Variants in PICALM observed in about 807,000 individuals in gnomAD.
PICALM encodes the protein phosphatidylinositol-binding clathrin assembly protein.
PICALM carries 40 observed loss-of-function variants against 80.5 expected under a neutral mutation model. That is an observed-to-expected ratio of 0.50 (90% CI 0.39 to 0.65). The LOEUF is 0.65. PICALM is among the 30% of genes least tolerant of loss of function. PICALM has a pLI of 0.00. For missense variants in PICALM, 676 were observed against 778.9 expected (o/e 0.87, Z 1.57); for synonymous variants, 288 against 260.3 (o/e 1.11, Z -1.02).
chr11:86,005,165 A>C (rs1457947346), intron 8 of PICALM, among the ~76,000 whole-genome samples: 3 of 152,220 alleles, frequency 2.0e-5, no homozygotes, highest in African/African-American at 7.2e-5. Flanking sequence ...GATACACAAC[A>C]GAAGCCAAGA....
intron 19 of PICALM, among the ~76,000 whole-genome samples, chr11:85,961,237 T>C (rs1346186277): frequency 1.3e-5 from 2 of 152,218 alleles, no homozygotes; most frequent in Non-Finnish European, 2.9e-5. Context: ...TATTCTTTCC[T>C]TTCTTTCTTC....
chr11:86,003,451 C>T lies in PICALM; in HGVS notation c.808G>A (p.Ala270Thr). 9 of 1,554,896 alleles carry T rather than the reference C, an allele frequency of 5.8e-6. No individual in the cohort carries two copies. Among genetic ancestry groups the T allele is most frequent in the Non-Finnish European group, 7.9e-6 (9 of 1,139,240 alleles). Residue 270 changes from alanine to threonine, a missense_variant and splice_region_variant, in exon 9 of 20, where the codon GCC becomes ACC. Transcript: ENST00000393346. ...DRGDIPDLSQ[A>T]PSSLLDALEQ... ...AAAGCATCAAGAAGACTGCTAGGGG[C>T]CTGCAATTGTACAAATATTAAGAAT...
intron 7 of PICALM, among the ~76,000 whole-genome samples, chr11:86,009,902 A>G (rs2095361587): frequency 1.3e-5 from 2 of 152,354 alleles, no homozygotes; most frequent in South Asian, 4.1e-4. Flanking sequence ...TTTTAAATTC[A>G]AAATTAATTT....
At chr11:85,982,443 C>T (rs1269455987) in intron 14 of PICALM, among the ~76,000 whole-genome samples, 4 of 7,274 alleles carry the variant, frequency 5.5e-4, no homozygotes, top group African/African-American at 1.6e-3. Flanking sequence ...TTTTTTGAGA[C>T]GGAGTCTTGC....
intron 16 of PICALM, 123 bp downstream of exon 16, chr11:85,981,622 A>AAT: frequency 1.4e-6 from 1 of 702,246 alleles, no homozygotes. Context: ...AAAAAAAAAA[A>AAT]GATGCAGACT....
intron 12 of PICALM, among the ~76,000 whole-genome samples, chr11:85,994,170 T>A (rs2509607): frequency 6.6e-6 from 1 of 152,222 alleles, no homozygotes; most frequent in Non-Finnish European, 1.5e-5. Flanking sequence ...CTGATAATAT[T>A]GTATATTTTT....
chr11:86,033,584 C>G (rs72963092), intron 1 of PICALM, among the ~76,000 whole-genome samples: 28,627 of 152,100 alleles, frequency 0.19, 3,006 homozygotes, highest in Middle Eastern at 0.24. Flanking sequence ...AATAACAAAG[C>G]CTTGGGCATT....
intron 5 of PICALM, among the ~76,000 whole-genome samples, chr11:86,013,800 G>T (rs2095437499): frequency 6.6e-6 from 1 of 152,152 alleles, no homozygotes; most frequent in Non-Finnish European, 1.5e-5. Context: ...TAAAGGGTCA[G>T]ATGGTAAATA....
chr11:86,025,621 T>C (rs1318812576), intron 3 of PICALM, among the ~76,000 whole-genome samples: 1 of 151,886 alleles, frequency 6.6e-6, no homozygotes, highest in East Asian at 2.0e-4. Context: ...TGCAGTGGCA[T>C]GATCTTGGCT....
chr11:85,974,298 A>G (rs1278916991), intron 19 of PICALM, among the ~76,000 whole-genome samples: 4 of 152,210 alleles, frequency 2.6e-5, no homozygotes, highest in African/African-American at 9.6e-5. Context: ...AGAGTTGCCA[A>G]GAGTTTCACA....
At chr11:86,069,348 G>C (rs1003397444), upstream of PICALM, 2 of 158,112 alleles carry the variant, frequency 1.3e-5, no homozygotes, top group Admixed American at 1.3e-4. Context: ...CCTGAGGCTC[G>C]GCCCGCGGGG....
At chr11:85,959,826 C>T (rs900565894) in intron 19 of PICALM, among the ~76,000 whole-genome samples, 9 of 151,840 alleles carry the variant, frequency 5.9e-5, no homozygotes, top group African/African-American at 2.2e-4. Context: ...GTGATCCTCC[C>T]GCATCAGCCT....
Position 85,961,243 on chromosome 11 carries a change from T to C in PICALM, c.1945-2183A>G, listed in dbSNP as rs368693173. On this transcript the variant is annotated intron_variant, in intron 19 of 19. Transcript: ENST00000393346. ...TAGCTGCAATATTCTTTCCTTTCTT[T>C]CTTCATAAGGGTCGAAAAGTCCTGT... Among the ~76,000 whole-genome samples, 3 of 152,200 alleles carry C rather than the reference T, an allele frequency of 2.0e-5. No homozygotes were observed. The East Asian group carries it at 5.8e-4, about 29-fold the overall frequency.
chr11:86,047,224 C>T (rs1593317106), intron 1 of PICALM, among the ~76,000 whole-genome samples: 1 of 152,328 alleles, frequency 6.6e-6, no homozygotes, highest in East Asian at 1.9e-4. Context: ...TTACTCTAAA[C>T]TGCACACATT....
At chr11:86,031,446 T>A in intron 2 of PICALM, 23 bp downstream of exon 2, 1 of 1,589,946 alleles carries the variant, frequency 6.3e-7, no homozygotes, top group Non-Finnish European at 8.6e-7. Flanking sequence ...TCAGTATACT[T>A]GTTCAATAAA....
In PICALM at chr11:86,068,850, G is replaced by A; in HGVS notation, c.-70C>T. On this transcript the variant is annotated 5_prime_UTR_variant, in exon 1 of 20. Coordinates refer to ENST00000393346, the MANE Select transcript of PICALM (RefSeq NM_007166.4). The stretch of plus-strand genomic sequence containing the variant: ...GACTGGGACCCCCAAGAGCCGGAGG[G>A]TCCCCACCCCCCACCGCACCCCCTA... 1 of 1,498,498 alleles carries A rather than the reference G, an allele frequency of 6.7e-7. No individual in the cohort carries two copies. Among genetic ancestry groups the A allele is most frequent in the Non-Finnish European group, 8.9e-7 (1 of 1,126,638 alleles). 92.8% of individuals were successfully genotyped at this position (1,498,498 alleles called of 1,614,324 possible). A position where few individuals can be genotyped will look rare whatever the true frequency, so the allele number is the denominator to read the frequency against.
At chr11:85,992,034 T>C (rs1013173085) in intron 12 of PICALM, among the ~76,000 whole-genome samples, 1 of 152,074 alleles carries the variant, frequency 6.6e-6, no homozygotes, top group African/African-American at 2.4e-5. Flanking sequence ...TTAATTTTTG[T>C]AGAGATGCTA....
intron 19 of PICALM, among the ~76,000 whole-genome samples, chr11:85,969,860 CA>C (rs2094039921): frequency 6.6e-6 from 1 of 152,100 alleles, no homozygotes. Context: ...CAATCATAAA[CA>C]TAAAATAAAG....
intron 9 of PICALM, among the ~76,000 whole-genome samples, chr11:86,001,933 T>C (rs1238294644): frequency 1.3e-5 from 2 of 152,228 alleles, no homozygotes; most frequent in African/African-American, 2.4e-5. Context: ...ATTTTCCTTT[T>C]ACCACACACC....
Sources: allele counts gnomAD v4.1 joint callset (sites outside exome capture counted in the v4.1 genomes callset), GRCh38; gene constraint gnomAD v4.1.1; transcripts MANE v1.5; gene names NCBI Gene and HGNC (gene_info 2026-07-23, HGNC 2026-07-21).